Variants in ARHGEF12 observed in about 807,000 individuals in gnomAD.
ARHGEF12 encodes the protein Rho guanine nucleotide exchange factor 12, also known as KMT2A/ARHGEF12 fusion protein.
ARHGEF12 carries 66 observed loss-of-function variants against 211.2 expected under a neutral mutation model. The observed-to-expected ratio is 0.31, with a 90% confidence interval of 0.26 to 0.38. The LOEUF is 0.38. Among genes scored for constraint, ARHGEF12 ranks in the 10% least tolerant of loss-of-function variants. ARHGEF12 has a pLI of 1.00. For synonymous variants in ARHGEF12, 592 were observed against 638.4 expected (o/e 0.93, Z 1.09); for missense variants, 1,429 against 1,869.5 (o/e 0.76, Z 4.34).
Position 120,485,728 on chromosome 11 carries a change from A to G in ARHGEF12, c.*651A>G, listed in dbSNP as rs925830777. On this transcript the variant is annotated 3_prime_UTR_variant, in exon 41 of 41. Coordinates refer to ENST00000397843, the MANE Select transcript of ARHGEF12 (RefSeq NM_015313.3). ...TATGCCGTGTGGCTCTTATGTGCCC[A>G]GGTGGTGTGGTCAGAGAGTGGATGG... 1.7e-5 allele frequency: 4 copies of G among 233,664 alleles called. No individual in the cohort carries two copies. Among genetic ancestry groups the G allele is most frequent in the Non-Finnish European group, 2.5e-5 (3 of 118,110 alleles). The allele number at this position is 233,664 out of a possible 1,614,324, so 14.5% of individuals were successfully genotyped here. A position where few individuals can be genotyped will look rare whatever the true frequency, so the allele number is the denominator to read the frequency against.
intron 21 of ARHGEF12, chr11:120,450,055 T>G (rs1167856964): frequency 6.6e-6 from 1 of 152,214 alleles, no homozygotes; most frequent in Non-Finnish European, 1.5e-5. Flanking sequence ...GTGATGGTTC[T>G]TATCTCAGGC....
At chr11:120,376,053 A>G (rs915914074) in intron 1 of ARHGEF12, among the ~76,000 whole-genome samples, 3 of 152,160 alleles carry the variant, frequency 2.0e-5, no homozygotes, top group Non-Finnish European at 4.4e-5. Context: ...ATATGTGACT[A>G]TTGATGATGA....
intron 6 of ARHGEF12, among the ~76,000 whole-genome samples, chr11:120,422,261 T>C (rs1183694538): frequency 6.6e-6 from 1 of 152,162 alleles, no homozygotes; most frequent in Admixed American, 6.5e-5. Context: ...CCTCATGTGA[T>C]GGGTCACAGT....
intron 25 of ARHGEF12, 21 bp downstream of exon 25, chr11:120,458,255 G>A: frequency 6.2e-7 from 1 of 1,612,154 alleles, no homozygotes; most frequent in Non-Finnish European, 8.5e-7. Context: ...TCAATTTGTT[G>A]TTGTTGTTTA....
In ARHGEF12 at chr11:120,442,439, CACACACACACACACACATATATAT is replaced by C. The variant is rs749861576; in HGVS notation, c.1302+255_1302+278del. Among the ~76,000 whole-genome samples, 184 of 135,884 alleles carry C rather than the reference CACACACACACACACACATATATAT, an allele frequency of 1.4e-3. 1 individual carries two copies. The highest frequency in any genetic ancestry group is 2.2e-3 in the Non-Finnish European group (133 of 59,782). The allele number at this position is 135,884 out of a possible 152,430, so 89.1% of individuals were successfully genotyped here. The stretch of plus-strand genomic sequence containing the variant: ...ATATATATATATATACACACACACA[CACACACACACACACACATATATAT>C]ACACACACACACACACACATATTTG... On this transcript the variant is annotated intron_variant, in intron 15 of 40. Coordinates refer to ENST00000397843, the MANE Select transcript of ARHGEF12 (RefSeq NM_015313.3).
chr11:120,426,427 C>T (rs1004965791), intron 7 of ARHGEF12, among the ~76,000 whole-genome samples: 3 of 152,184 alleles, frequency 2.0e-5, no homozygotes, highest in African/African-American at 7.2e-5. Flanking sequence ...TTTGACATCA[C>T]ATCTGTAAAG....
intron 1 of ARHGEF12, among the ~76,000 whole-genome samples, chr11:120,361,488 G>A (rs1336045977): frequency 6.6e-6 from 1 of 152,208 alleles, no homozygotes; most frequent in Non-Finnish European, 1.5e-5. Context: ...CTCATCTATA[G>A]AATCTATTCT....
At chr11:120,417,774 G>T (rs1368341453) in intron 4 of ARHGEF12, among the ~76,000 whole-genome samples, 2 of 152,052 alleles carry the variant, frequency 1.3e-5, no homozygotes, top group African/African-American at 2.4e-5. Context: ...GAGATTACAG[G>T]CATGAGCCAC....
intron 1 of ARHGEF12, among the ~76,000 whole-genome samples, chr11:120,373,961 C>T (rs1443168095): frequency 6.6e-6 from 1 of 152,170 alleles, no homozygotes; most frequent in Non-Finnish European, 1.5e-5. Flanking sequence ...GCATGCACCA[C>T]CACGCCCGGC....
chr11:120,393,045 A>G (rs1944270565), intron 1 of ARHGEF12, among the ~76,000 whole-genome samples: 1 of 152,166 alleles, frequency 6.6e-6, no homozygotes, highest in Non-Finnish European at 1.5e-5. Flanking sequence ...GGGGTAACTT[A>G]TATCCTCTGT....
At chr11:120,344,990 A>T (rs1463379703) in intron 1 of ARHGEF12, among the ~76,000 whole-genome samples, 11 of 152,084 alleles carry the variant, frequency 7.2e-5, no homozygotes, top group Non-Finnish European at 2.9e-5. Flanking sequence ...TTATGATTTT[A>T]CCCTAGAAGA....
chr11:120,399,093 T>C (rs999853372), intron 1 of ARHGEF12, among the ~76,000 whole-genome samples: 2 of 151,710 alleles, frequency 1.3e-5, no homozygotes, highest in Non-Finnish European at 2.9e-5. Context: ...GGCTTGAGGA[T>C]TGCTTGAGGC....
At chr11:120,364,873 A>C (rs965321323) in intron 1 of ARHGEF12, among the ~76,000 whole-genome samples, 1 of 140,366 alleles carries the variant, frequency 7.1e-6, no homozygotes, top group Middle Eastern at 4.0e-3. Context: ...GCTTGAGTGC[A>C]GTGGGCACAA....
At chr11:120,405,335 A>G (rs1029937714) in intron 1 of ARHGEF12, among the ~76,000 whole-genome samples, 1 of 152,194 alleles carries the variant, frequency 6.6e-6, no homozygotes, top group Non-Finnish European at 1.5e-5. Context: ...GAAGACTTAG[A>G]TTAGCATTTA....
At chr11:120,453,978 T>C (rs1202855004) in intron 22 of ARHGEF12, among the ~76,000 whole-genome samples, 1 of 152,220 alleles carries the variant, frequency 6.6e-6, no homozygotes, top group Non-Finnish European at 1.5e-5. Context: ...TCTCTGTCAC[T>C]TGTAGACTAG....
intron 1 of ARHGEF12, among the ~76,000 whole-genome samples, chr11:120,378,662 G>A (rs1943795953): frequency 6.6e-6 from 1 of 152,186 alleles, no homozygotes; most frequent in Admixed American, 6.5e-5. Context: ...TGTATATGGT[G>A]TGAGGTAAGG....
chr11:120,383,606 A>G (rs936654076), intron 1 of ARHGEF12, among the ~76,000 whole-genome samples: 1 of 152,218 alleles, frequency 6.6e-6, no homozygotes, highest in Middle Eastern at 3.4e-3. Context: ...GCAGTTCGCT[A>G]TAGGGTTCCT....
At chr11:120,433,484 C>A (rs1041829149) in intron 11 of ARHGEF12, among the ~76,000 whole-genome samples, 3 of 152,156 alleles carry the variant, frequency 2.0e-5, no homozygotes, top group Admixed American at 6.6e-5. Context: ...TTGTCCCTAC[C>A]ATGAGATGGG....
rs552736761 is a variant in ARHGEF12, at chr11:120,489,511, C to T, written c.*4434C>T. On this transcript the variant is annotated 3_prime_UTR_variant, in exon 41 of 41. Transcript: ENST00000397843. ...CTGTCCCCAGTGCTGGGCTTCTTCA[C>T]ATACCAACATTTCTGTGCTTTTACC... is the stretch of plus-strand genomic sequence containing the variant. 10 of 222,170 alleles carry T rather than the reference C, an allele frequency of 4.5e-5. No homozygotes were observed. In the South Asian group the frequency reaches 1.7e-3, roughly 37 times the overall value. The allele number at this position is 222,170 out of a possible 1,614,324, so 13.8% of individuals were successfully genotyped here.
Sources: gnomAD v4.1 joint callset for allele counts (sites outside exome capture counted in the v4.1 genomes callset) on GRCh38, gnomAD v4.1.1 for gene constraint, MANE v1.5 for transcripts, NCBI Gene and HGNC (gene_info 2026-07-23, HGNC 2026-07-21) for gene names.